The following KLHL29 variants were observed in gnomAD, a reference collection of about 807,000 sequenced individuals.
KLHL29 encodes kelch like family member 29.
In KLHL29, 21 loss-of-function variants were observed where a neutral mutation model predicts 80.4. The observed-to-expected ratio is 0.26, with a 90% confidence interval of 0.19 to 0.38. The LOEUF is 0.38. KLHL29 is among the 10% of genes least tolerant of loss of function. The pLI is 1.00. For missense variants in KLHL29, 867 were observed against 1,223.9 expected (o/e 0.71, Z 4.35); for synonymous variants, 511 against 526.8 (o/e 0.97, Z 0.41).
chr2:23,394,105 G>A (rs6756971), intron 1 of KLHL29, among the ~76,000 whole-genome samples: 37,789 of 152,070 alleles, frequency 0.25, 4,889 homozygotes, highest in South Asian at 0.31. Context: ...AACAGCGGCC[G>A]GAACATCCCT....
At chr2:23,421,707 G>C (rs777989088) in intron 1 of KLHL29, among the ~76,000 whole-genome samples, 4 of 150,498 alleles carry the variant, frequency 2.7e-5, no homozygotes, top group Non-Finnish European at 4.4e-5. Flanking sequence ...ATGTGTGACT[G>C]TGTCTGTTAG....
intron 1 of KLHL29, among the ~76,000 whole-genome samples, chr2:23,433,489 C>T (rs139538426): frequency 6.6e-6 from 1 of 151,498 alleles, no homozygotes; most frequent in Non-Finnish European, 1.5e-5. Context: ...TCCAGGTGTC[C>T]TGGCACCTGT....
intron 2 of KLHL29, among the ~76,000 whole-genome samples, chr2:23,538,879 A>G (rs1229879477): frequency 1.3e-5 from 2 of 152,276 alleles, no homozygotes; most frequent in African/African-American, 4.8e-5. Flanking sequence ...AAATGTGTGC[A>G]CACAAAATCT....
At chr2:23,662,641 A>G (rs1670443995) in intron 5 of KLHL29, among the ~76,000 whole-genome samples, 1 of 151,496 alleles carries the variant, frequency 6.6e-6, no homozygotes, top group Admixed American at 6.6e-5. Flanking sequence ...CCCGGCCCCC[A>G]CTTCCAGATC....
intron 2 of KLHL29, among the ~76,000 whole-genome samples, chr2:23,518,148 TG>T (rs774067957): frequency 1.3e-5 from 2 of 152,272 alleles, no homozygotes; most frequent in Admixed American, 6.5e-5. Flanking sequence ...TCCGGTGGGC[TG>T]GGGGCCAACT....
chr2:23,539,334 T>C (rs1653780), intron 2 of KLHL29, among the ~76,000 whole-genome samples: 113,605 of 152,138 alleles, frequency 0.75, 43,233 homozygotes, highest in East Asian at 0.9. Flanking sequence ...TGAAAGGAAT[T>C]GATTTCAGTT....
intron 1 of KLHL29, among the ~76,000 whole-genome samples, chr2:23,417,665 C>T (rs1662619985): frequency 6.6e-6 from 1 of 152,186 alleles, no homozygotes; most frequent in Non-Finnish European, 1.5e-5. Flanking sequence ...TCATTTTTAT[C>T]ACTGCATTGT....
chr2:23,521,115 T>C (rs1054371153), intron 2 of KLHL29, among the ~76,000 whole-genome samples: 6 of 152,050 alleles, frequency 3.9e-5, no homozygotes, highest in Non-Finnish European at 7.4e-5. Context: ...GATATTCCTG[T>C]ATCCGTCTAT....
At chr2:23,541,448 G>A (rs1169470297) in intron 2 of KLHL29, among the ~76,000 whole-genome samples, 4 of 152,204 alleles carry the variant, frequency 2.6e-5, no homozygotes, top group Non-Finnish European at 4.4e-5. Context: ...GTTCAGCCCT[G>A]CCAGACCATG....
intron 1 of KLHL29, among the ~76,000 whole-genome samples, chr2:23,394,594 A>G (rs1666403378): frequency 6.6e-6 from 1 of 152,234 alleles, no homozygotes; most frequent in African/African-American, 2.4e-5. Flanking sequence ...TGGAGAAGGA[A>G]GAGAGCCAAT....
chr2:23,651,342 CTG>C (rs1329379512), intron 5 of KLHL29, among the ~76,000 whole-genome samples: 3 of 152,178 alleles, frequency 2.0e-5, no homozygotes, highest in Non-Finnish European at 4.4e-5. Flanking sequence ...CAGACTAAGA[CTG>C]TGAACAGTCT....
intron 1 of KLHL29, among the ~76,000 whole-genome samples, chr2:23,391,569 G>A (rs2103382624): frequency 6.6e-6 from 1 of 152,234 alleles, no homozygotes; most frequent in South Asian, 2.1e-4. Flanking sequence ...CTGAGTAGCT[G>A]GGATTACAGG....
At chr2:23,393,913 C>T in intron 1 of KLHL29, among the ~76,000 whole-genome samples, 1 of 152,276 alleles carries the variant, frequency 6.6e-6, no homozygotes, top group East Asian at 1.9e-4. Flanking sequence ...TCCCTTCCCC[C>T]TGGGCTTGTC....
At chr2:23,394,642 TA>T (rs901183651) in intron 1 of KLHL29, among the ~76,000 whole-genome samples, 6 of 152,172 alleles carry the variant, frequency 3.9e-5, no homozygotes, top group Non-Finnish European at 5.9e-5. Flanking sequence ...CTTATTTGAA[TA>T]AAAAAATCAT....
intron 3 of KLHL29, among the ~76,000 whole-genome samples, chr2:23,624,423 A>G (rs1209129997): frequency 2.0e-5 from 3 of 152,130 alleles, no homozygotes; most frequent in Non-Finnish European, 2.9e-5. Context: ...ATATCCACCA[A>G]TTACCTGGAC....
intron 1 of KLHL29, among the ~76,000 whole-genome samples, chr2:23,410,295 GA>G (rs1666831589): frequency 6.6e-6 from 1 of 151,324 alleles, no homozygotes; most frequent in African/African-American, 2.4e-5. Flanking sequence ...GAGTTGAGGG[GA>G]TGGTGCATGT....
intron 2 of KLHL29, among the ~76,000 whole-genome samples, chr2:23,491,792 C>T (rs1335339387): frequency 6.6e-6 from 1 of 152,200 alleles, no homozygotes; most frequent in African/African-American, 2.4e-5. Flanking sequence ...CCTCGCTGAA[C>T]TCCATGTTCC....
intron 2 of KLHL29, among the ~76,000 whole-genome samples, chr2:23,554,503 G>A (rs1244419918): frequency 4.6e-5 from 7 of 152,292 alleles, no homozygotes; most frequent in East Asian, 3.9e-4. Context: ...CTCCTTCGGC[G>A]TGTCTTAATG....
intron 3 of KLHL29, among the ~76,000 whole-genome samples, chr2:23,626,314 A>C (rs992561573): frequency 6.6e-6 from 1 of 152,018 alleles, no homozygotes; most frequent in Admixed American, 6.6e-5. Context: ...ATGAAGCTTC[A>C]CTCACTCACC....
Sources: gnomAD v4.1 joint callset for allele counts (sites outside exome capture counted in the v4.1 genomes callset) on GRCh38, gnomAD v4.1.1 for gene constraint, MANE v1.5 for transcripts, NCBI Gene and HGNC (gene_info 2026-07-23, HGNC 2026-07-21) for gene names.